PRSS12: variants seen among roughly 807,000 people sequenced by gnomAD.
PRSS12 encodes the protein neurotrypsin.
A neutral mutation model predicts 104.4 loss-of-function variants in PRSS12; 85 were observed. The observed-to-expected ratio is 0.81, with a 90% CI of 0.68 to 0.98. The LOEUF (loss-of-function observed/expected upper bound fraction) is 0.98, where lower values mean the gene tolerates loss of function less well. Among genes scored for constraint, PRSS12 ranks in the 50% least tolerant of loss-of-function variants. PRSS12 has a pLI of 0.00. For missense variants in PRSS12, 1,141 were observed against 1,139.2 expected (o/e 1.00, Z -0.02); for synonymous variants, 454 against 425.2 (o/e 1.07, Z -0.83).
chr4:118,313,618 T>C (rs982934771), intron 6 of PRSS12, among the ~76,000 whole-genome samples: 1 of 152,166 alleles, frequency 6.6e-6, no homozygotes, highest in Admixed American at 6.5e-5. Flanking sequence ...GAATAACAAA[T>C]GAAAAATTAA....
intron 8 of PRSS12, among the ~76,000 whole-genome samples, chr4:118,308,100 A>G (rs1743603358): frequency 6.6e-6 from 1 of 152,216 alleles, no homozygotes; most frequent in African/African-American, 2.4e-5. Context: ...AGAGTCCCTT[A>G]AAAGGCTACA....
rs1742855417 is a variant in PRSS12, at chr4:118,281,600, T to TA, written c.*335dup. 2.8e-6 allele frequency: 1 copy of TA among 355,116 alleles called. No homozygotes were observed. The highest frequency in any genetic ancestry group is 5.4e-6 in the Non-Finnish European group (1 of 185,832). The allele number at this position is 355,116 out of a possible 1,614,324, so 22.0% of individuals were successfully genotyped here. On this transcript the variant is annotated 3_prime_UTR_variant, in exon 13 of 13. Coordinates refer to ENST00000296498, the MANE Select transcript of PRSS12 (RefSeq NM_003619.4). Reference sequence around the variant, plus strand: ...TGATTTCAGACACCACTGATTCAATTAAAAGGGGTTCTCAGTTCAAATGTA... The same window carrying TA: ...TGATTTCAGACACCACTGATTCAATTAAAAAGGGGTTCTCAGTTCAAATGTA...
intron 12 of PRSS12, 77 bp from the exon 13 acceptor site, chr4:118,282,320 G>T (rs1424680250): frequency 6.4e-7 from 1 of 1,561,562 alleles, no homozygotes; most frequent in African/African-American, 1.4e-5. Context: ...GCATGTAATA[G>T]TTATGAAAAT....
Position 118,352,828 on chromosome 4 carries a change from C to T in PRSS12, c.-108G>A. The T allele has an allele frequency of 2.7e-6, 4 of 1,503,086 alleles. No homozygotes were observed. The South Asian group carries it at 3.8e-5, about 14-fold the overall frequency. The allele number at this position is 1,503,086 out of a possible 1,614,324, so 93.1% of individuals were successfully genotyped here. A position where few individuals can be genotyped will look rare whatever the true frequency, so the allele number is the denominator to read the frequency against. On this transcript the variant is annotated 5_prime_UTR_variant, in exon 1 of 13. Transcript: ENST00000296498. The stretch of plus-strand genomic sequence containing the variant: ...TGCCGCGTCCCTCGAATCCCCCAGC[C>T]CCCTCCCGCCCCCGCACGCGGACCG...
chr4:118,294,577 G>A (rs1461490452), intron 11 of PRSS12, among the ~76,000 whole-genome samples: 2 of 151,982 alleles, frequency 1.3e-5, no homozygotes, highest in African/African-American at 4.8e-5. Context: ...CACTACAACT[G>A]CATTCCCTAG....
intron 2 of PRSS12, 129 bp downstream of exon 2, chr4:118,338,047 T>C: frequency 8.1e-7 from 1 of 1,236,626 alleles, no homozygotes; most frequent in South Asian, 1.3e-5. Flanking sequence ...TATAGCTCTT[T>C]TGTGAAAAGT....
chr4:118,292,374 G>C lies in PRSS12; in HGVS notation c.2039+2565C>G, dbSNP rs141297864. Among the ~76,000 whole-genome samples the C allele has an allele frequency of 7.2e-5, 11 of 152,280 alleles. No individual in the cohort carries two copies. In the East Asian group the frequency reaches 2.1e-3, roughly 29 times the overall value. ...CATCTCCAAAGATTCAGCAGATTTAGAGCAGGGGCTCAGGAACCTGGACTA... is the reference window on the plus strand; with the variant it reads ...CATCTCCAAAGATTCAGCAGATTTACAGCAGGGGCTCAGGAACCTGGACTA... On this transcript the variant is annotated intron_variant, in intron 11 of 12. Coordinates refer to ENST00000296498, the MANE Select transcript of PRSS12 (RefSeq NM_003619.4).
chr4:118,351,446 C>T lies in PRSS12; in HGVS notation c.502+773G>A, dbSNP rs146215348. Among the ~76,000 whole-genome samples the T allele has an allele frequency of 3.9e-5, 6 of 152,166 alleles. No homozygotes were observed. In the East Asian group the frequency reaches 1.2e-3, roughly 29 times the overall value. On this transcript the variant is annotated intron_variant, in intron 1 of 12. Transcript: ENST00000296498. ...TTACATTAAATTTATTAGTGTGATG[C>T]TTTTATTACCACAAACCTAAAACAT...
At position 118,331,859 on chromosome 4, in the gene PRSS12, C is replaced by G; in HGVS notation, c.828G>C (p.Thr276=). ...AVTCSFSHGP[T]FPIIRLAGGS... The stretch of plus-strand genomic sequence containing the variant: ...CTCCAGCAAGGCGAATGATGGGGAA[C>G]GTTGGGCCTGTGCAATGTGAAGTTA... The change falls in exon 4 of 13, where the codon ACG becomes ACC. Residue 276 remains threonine, a synonymous_variant. Coordinates refer to ENST00000296498, the MANE Select transcript of PRSS12 (RefSeq NM_003619.4). 6.2e-7 allele frequency: 1 copy of G among 1,613,956 alleles called. No individual in the cohort carries two copies. The highest frequency in any genetic ancestry group is 8.5e-7 in the Non-Finnish European group (1 of 1,180,036).
At position 118,315,315 on chromosome 4, in the gene PRSS12, T is replaced by C. The variant is rs28615436; in HGVS notation, c.1292+867A>G. ...ATGATAGCATAAGGATAAAAAATTA[T>C]GGAGTTTTTTATTTTCATCATTTTC... On this transcript the variant is annotated intron_variant, in intron 6 of 12. Coordinates refer to ENST00000296498, the MANE Select transcript of PRSS12 (RefSeq NM_003619.4). 3.9e-3 allele frequency among the ~76,000 whole-genome samples: 591 copies of C among 152,276 alleles called. 5 individuals carry two copies. The highest frequency in any genetic ancestry group is 0.014 in the African/African-American group (565 of 41,578).
chr4:118,290,857 C>T (rs865799577), intron 11 of PRSS12, among the ~76,000 whole-genome samples: 22 of 151,942 alleles, frequency 1.4e-4, no homozygotes, highest in African/African-American at 5.1e-4. Context: ...TCCTTTTCAC[C>T]TATTTCTATT....
intron 4 of PRSS12, among the ~76,000 whole-genome samples, chr4:118,324,188 TA>T (rs1226210722): frequency 6.6e-6 from 1 of 151,946 alleles, no homozygotes; most frequent in Non-Finnish European, 1.5e-5. Flanking sequence ...CACATTTTAG[TA>T]AAAGACAAAG....
intron 1 of PRSS12, among the ~76,000 whole-genome samples, chr4:118,347,926 A>C (rs562926245): frequency 6.6e-6 from 1 of 152,160 alleles, no homozygotes; most frequent in Non-Finnish European, 1.5e-5. Context: ...CCTAGCTCAC[A>C]TTCAATTAAT....
chr4:118,322,017 T>C (rs1367379311), intron 4 of PRSS12, among the ~76,000 whole-genome samples: 1 of 152,176 alleles, frequency 6.6e-6, no homozygotes, highest in African/African-American at 2.4e-5. Flanking sequence ...GAGATATATC[T>C]AATGAGAGGC....
intron 6 of PRSS12, among the ~76,000 whole-genome samples, chr4:118,314,698 T>C (rs1430128767): frequency 6.6e-6 from 1 of 152,140 alleles, no homozygotes; most frequent in Non-Finnish European, 1.5e-5. Context: ...CACAATCATT[T>C]AGAGCTTTTT....
chr4:118,325,042 T>A (rs75934442), intron 4 of PRSS12, among the ~76,000 whole-genome samples: 1,863 of 152,208 alleles, frequency 0.012, 34 homozygotes, highest in East Asian at 0.085. Flanking sequence ...TATCCTATGG[T>A]ATACACATGC....
chr4:118,346,320 A>T (rs1013780490), intron 1 of PRSS12, among the ~76,000 whole-genome samples: 2 of 152,144 alleles, frequency 1.3e-5, no homozygotes, highest in African/African-American at 2.4e-5. Flanking sequence ...GATTCAAGAC[A>T]CATCCACACC....
At chr4:118,317,684 A>C (rs1229306290) in intron 5 of PRSS12, among the ~76,000 whole-genome samples, 1 of 152,230 alleles carries the variant, frequency 6.6e-6, no homozygotes, top group Non-Finnish European at 1.5e-5. Context: ...AGAGAATGAT[A>C]TAAATCTGGT....
chr4:118,331,699 GA>G lies in PRSS12; in HGVS notation c.971+16del. On this transcript the variant is annotated intron_variant, in intron 4 of 12. Coordinates refer to ENST00000296498, the MANE Select transcript of PRSS12 (RefSeq NM_003619.4). ...AGATTCAAAAGTTTAAGCAAAACAAGAGTAGTAAAAACAAACCTGAGGCCCA... is the reference window on the plus strand; with the variant it reads ...AGATTCAAAAGTTTAAGCAAAACAAGGTAGTAAAAACAAACCTGAGGCCCA... 2 of 1,614,018 alleles carry G rather than the reference GA, an allele frequency of 1.2e-6. No individual in the cohort carries two copies. The highest frequency in any genetic ancestry group is 1.7e-6 in the Non-Finnish European group (2 of 1,179,958).
Sources: gnomAD v4.1 joint callset for allele counts (sites outside exome capture counted in the v4.1 genomes callset) on GRCh38, gnomAD v4.1.1 for gene constraint, MANE v1.5 for transcripts, NCBI Gene and HGNC (gene_info 2026-07-23, HGNC 2026-07-21) for gene names.